RSPO3: variants seen among roughly 807,000 people sequenced by gnomAD.
RSPO3 encodes R-spondin-3.
Under a neutral mutation model 36.5 loss-of-function variants are expected in RSPO3, and 17 were observed. The observed-to-expected ratio is 0.47, with a 90% CI of 0.32 to 0.70. The LOEUF is 0.70. Ranked by LOEUF, RSPO3 falls within the 30% of genes least tolerant of loss-of-function variation. The probability of loss-of-function intolerance (pLI) is 0.04; values close to 1 mark genes in which losing one functional copy is unlikely to be tolerated. For missense variants in RSPO3, 294 were observed against 322.5 expected (o/e 0.91, Z 0.68); for synonymous variants, 108 against 107.0 (o/e 1.01, Z -0.06).
chr6:127,134,940 G>C (rs1370060509), intron 1 of RSPO3, among the ~76,000 whole-genome samples: 1 of 152,172 alleles, frequency 6.6e-6, no homozygotes, highest in African/African-American at 2.4e-5. Context: ...CATTAAGCCT[G>C]TAAAAGAGAA....
rs1251786653 is a variant in RSPO3 at position 127,198,395 on chromosome 6, T to C, written c.*2388T>C. Among the ~76,000 whole-genome samples, 5 of 152,192 alleles carry C rather than the reference T, an allele frequency of 3.3e-5. No individual in the cohort carries two copies. The highest frequency in any genetic ancestry group is 1.2e-4 in the African/African-American group (5 of 41,446). ...ACAGATCCTTAAGACAATAGAATCA[T>C]ACAGTATTCAAACCAGCAGCCTTCT... On this transcript the variant is annotated 3_prime_UTR_variant, in exon 5 of 5. Transcript: ENST00000356698.
At chr6:127,132,740 G>A (rs1162153667) in intron 1 of RSPO3, among the ~76,000 whole-genome samples, 1 of 152,078 alleles carries the variant, frequency 6.6e-6, no homozygotes, top group East Asian at 1.9e-4. Context: ...CTCAAGAGGT[G>A]AAAGCAAACC....
chr6:127,195,751 A>AT lies in RSPO3; in HGVS notation c.635-66dup, dbSNP rs1186908180. ...ATATAATCTAAGAGAAATTTAAGTCATTTTTTAAAATGTAATTAAAAAATA... is the reference window on the plus strand; with the variant it reads ...ATATAATCTAAGAGAAATTTAAGTCATTTTTTTAAAATGTAATTAAAAAATA... On this transcript the variant is annotated intron_variant, in intron 4 of 4. Transcript: ENST00000356698. 2.8e-6 allele frequency: 3 copies of AT among 1,083,996 alleles called. No individual in the cohort carries two copies. In the African/African-American group the frequency reaches 4.8e-5, roughly 17 times the overall value. 67.1% of individuals were successfully genotyped at this position (1,083,996 alleles called of 1,614,324 possible). A position where few individuals can be genotyped will look rare whatever the true frequency, so the allele number is the denominator to read the frequency against.
intron 4 of RSPO3, among the ~76,000 whole-genome samples, chr6:127,160,377 G>A (rs1468430651): frequency 6.6e-6 from 1 of 152,178 alleles, no homozygotes; most frequent in East Asian, 1.9e-4. Flanking sequence ...ACCCTGAAAA[G>A]TGGGGCTTAG....
At chr6:127,170,087 A>G (rs945717072) in intron 4 of RSPO3, among the ~76,000 whole-genome samples, 1 of 151,766 alleles carries the variant, frequency 6.6e-6, no homozygotes, top group Non-Finnish European at 1.5e-5. Flanking sequence ...CTGCCAAAAA[A>G]GTTGAGGCTT....
chr6:127,119,425 C>CT (rs1773789402), intron 1 of RSPO3, 136 bp downstream of exon 1: 1 of 672,098 alleles, frequency 1.5e-6, no homozygotes. Flanking sequence ...CAGGTTCGGG[C>CT]TTTGGGGGTA....
chr6:127,153,799 T>C (rs1306661505), intron 3 of RSPO3, among the ~76,000 whole-genome samples: 1 of 152,136 alleles, frequency 6.6e-6, no homozygotes. Context: ...ATTTGCTTTT[T>C]TGGAGGTGCC....
At chr6:127,129,814 C>T (rs1454311500) in intron 1 of RSPO3, among the ~76,000 whole-genome samples, 1 of 152,040 alleles carries the variant, frequency 6.6e-6, no homozygotes, top group African/African-American at 2.4e-5. Context: ...CTCCTCCTCC[C>T]TTCCTGAGTA....
intron 1 of RSPO3, among the ~76,000 whole-genome samples, chr6:127,129,906 G>A (rs1216872781): frequency 6.6e-6 from 1 of 152,038 alleles, no homozygotes; most frequent in Non-Finnish European, 1.5e-5. Context: ...AGGAATTCTT[G>A]TAAACATCCT....
Position 127,197,134 on chromosome 6 carries a change from A to C in RSPO3, c.*1127A>C, listed in dbSNP as rs1304273287. 1 of 255,948 alleles carries C rather than the reference A, an allele frequency of 3.9e-6. No homozygotes were observed. The highest frequency in any genetic ancestry group is 7.5e-6 in the Non-Finnish European group (1 of 133,764). 15.9% of individuals were successfully genotyped at this position (255,948 alleles called of 1,614,324 possible). A position where few individuals can be genotyped will look rare whatever the true frequency, so the allele number is the denominator to read the frequency against. On this transcript the variant is annotated 3_prime_UTR_variant, in exon 5 of 5. Coordinates refer to ENST00000356698, the MANE Select transcript of RSPO3 (RefSeq NM_032784.5). ...AAAGAGAATTCTGCTAACTCAGAGA[A>C]CCTGGTTCCTATGTAATTCAGAATA...
At chr6:127,127,968 TA>T (rs1251652995) in intron 1 of RSPO3, among the ~76,000 whole-genome samples, 4 of 152,084 alleles carry the variant, frequency 2.6e-5, no homozygotes, top group Non-Finnish European at 5.9e-5. Flanking sequence ...TGATGAGTTT[TA>T]AACATAAAAG....
At chr6:127,174,896 T>C (rs1340809088) in intron 4 of RSPO3, among the ~76,000 whole-genome samples, 1 of 151,778 alleles carries the variant, frequency 6.6e-6, no homozygotes, top group African/African-American at 2.4e-5. Context: ...TTTAGGTTGA[T>C]GAAGAAGCTT....
chr6:127,150,596 GAGTA>G, intron 3 of RSPO3, 24 bp downstream of exon 3: 7 of 1,594,452 alleles, frequency 4.4e-6, no homozygotes, highest in Non-Finnish European at 6.0e-6. Flanking sequence ...GTAATAATTT[GAGTA>G]AGTGATAATG....
chr6:127,122,411 G>C (rs765203717), intron 1 of RSPO3, among the ~76,000 whole-genome samples: 22 of 151,924 alleles, frequency 1.4e-4, no homozygotes, highest in African/African-American at 2.2e-4. Context: ...TTGCCATAAT[G>C]ATAGCCACAG....
intron 1 of RSPO3, among the ~76,000 whole-genome samples, chr6:127,131,808 T>G (rs781417684): frequency 6.6e-6 from 1 of 152,112 alleles, no homozygotes; most frequent in Admixed American, 6.6e-5. Flanking sequence ...TTGAGAACCA[T>G]TGCACTGAAT....
At chr6:127,169,198 C>T (rs1223269293) in intron 4 of RSPO3, among the ~76,000 whole-genome samples, 1 of 151,770 alleles carries the variant, frequency 6.6e-6, no homozygotes, top group Non-Finnish European at 1.5e-5. Context: ...ACAACCTCAC[C>T]AGCATCTGGG....
At chr6:127,166,552 A>G (rs1774824677) in intron 4 of RSPO3, among the ~76,000 whole-genome samples, 1 of 152,008 alleles carries the variant, frequency 6.6e-6, no homozygotes, top group Admixed American at 6.6e-5. Context: ...AACACTAACT[A>G]CATTACAAAG....
intron 4 of RSPO3, among the ~76,000 whole-genome samples, chr6:127,164,538 C>CT (rs1346853899): frequency 2.6e-5 from 4 of 151,172 alleles, no homozygotes; most frequent in East Asian, 3.9e-4. Context: ...TTGCTAGAAA[C>CT]TTTTTTTTTG....
chr6:127,187,545 A>G (rs1158505678), intron 4 of RSPO3, among the ~76,000 whole-genome samples: 1 of 152,072 alleles, frequency 6.6e-6, no homozygotes, highest in African/African-American at 2.4e-5. Context: ...ATGCTTATTT[A>G]ATAGATACAA....
Sources: gnomAD v4.1 joint callset for allele counts (sites outside exome capture counted in the v4.1 genomes callset) on GRCh38, gnomAD v4.1.1 for gene constraint, MANE v1.5 for transcripts, NCBI Gene and HGNC (gene_info 2026-07-23, HGNC 2026-07-21) for gene names.